Variants in KCNIP1 observed in about 807,000 individuals in gnomAD.
KCNIP1 encodes potassium voltage-gated channel interacting protein 1.
KCNIP1 carries 18 observed loss-of-function variants against 33.0 expected under a neutral mutation model. That is an observed-to-expected ratio of 0.55 (90% CI 0.38 to 0.81). The LOEUF is 0.81. KCNIP1 is among the 30% of genes least tolerant of loss of function. The probability of loss-of-function intolerance (pLI) is 0.00; values close to 1 mark genes in which losing one functional copy is unlikely to be tolerated. For synonymous variants in KCNIP1, 93 were observed against 98.3 expected (o/e 0.95, Z 0.32); for missense variants, 238 against 271.6 (o/e 0.88, Z 0.87).
intron 1 of KCNIP1, among the ~76,000 whole-genome samples, chr5:170,454,592 C>T: frequency 6.6e-6 from 1 of 152,200 alleles, no homozygotes; most frequent in East Asian, 1.9e-4. Flanking sequence ...GTTTAGAAAA[C>T]TTCCTGATGA....
chr5:170,655,718 G>C (rs539279145), intron 1 of KCNIP1, among the ~76,000 whole-genome samples: 1 of 152,132 alleles, frequency 6.6e-6, no homozygotes, highest in Non-Finnish European at 1.5e-5. Flanking sequence ...CTCCACTTCT[G>C]ACTTGCACTG....
chr5:170,473,494 C>G (rs79733153), intron 1 of KCNIP1, among the ~76,000 whole-genome samples: 30 of 152,304 alleles, frequency 2.0e-4, no homozygotes, highest in African/African-American at 6.7e-4. Context: ...AGTCTACCTT[C>G]TTACCAATAA....
At chr5:170,620,287 C>T (rs993082214) in intron 1 of KCNIP1, among the ~76,000 whole-genome samples, 11 of 152,206 alleles carry the variant, frequency 7.2e-5, no homozygotes, top group African/African-American at 2.7e-4. Flanking sequence ...CAGGAATAGG[C>T]TCTGATGGGC....
At chr5:170,568,137 A>T (rs1172805555) in intron 1 of KCNIP1, among the ~76,000 whole-genome samples, 2 of 151,998 alleles carry the variant, frequency 1.3e-5, no homozygotes, top group East Asian at 3.9e-4. Flanking sequence ...CCTAAACTGT[A>T]GAGGATTTTG....
intron 5 of KCNIP1, 72 bp from the exon 6 acceptor site, chr5:170,732,728 C>T (rs1764247662): frequency 6.0e-6 from 6 of 993,604 alleles, no homozygotes; most frequent in Non-Finnish European, 9.6e-6. Context: ...ACAAGGAGCC[C>T]CAAACTCTGT....
chr5:170,703,757 C>T (rs1763173240), intron 1 of KCNIP1, among the ~76,000 whole-genome samples: 1 of 138,552 alleles, frequency 7.2e-6, no homozygotes, highest in Non-Finnish European at 1.5e-5. Flanking sequence ...GGGCCACTGT[C>T]TCGGGACTCT....
chr5:170,503,098 TGAGA>T (rs1310429098), upstream of KCNIP1, among the ~76,000 whole-genome samples: 1 of 151,498 alleles, frequency 6.6e-6, no homozygotes, highest in Admixed American at 6.6e-5. Flanking sequence ...AACAGAAAAA[TGAGA>T]GAGCAGGCCG....
intron 1 of KCNIP1, among the ~76,000 whole-genome samples, chr5:170,478,390 T>C (rs1449309598): frequency 6.6e-6 from 1 of 152,230 alleles, no homozygotes; most frequent in Non-Finnish European, 1.5e-5. Flanking sequence ...GCAACGCTCA[T>C]GGCTGGAGGA....
chr5:170,713,798 G>A (rs949358172), intron 1 of KCNIP1, among the ~76,000 whole-genome samples: 1 of 152,106 alleles, frequency 6.6e-6, no homozygotes, highest in Non-Finnish European at 1.5e-5. Context: ...AAGGTGGGCA[G>A]ATCACCTGAG....
intron 1 of KCNIP1, chr5:170,712,765 C>A (rs2113858147): frequency 7.9e-7 from 1 of 1,260,698 alleles, no homozygotes; most frequent in Non-Finnish European, 1.2e-6. Context: ...CGTGGACACC[C>A]TCAGAGCGGC....
At chr5:170,392,369 G>A (rs192934017) in intron 1 of KCNIP1, among the ~76,000 whole-genome samples, 17 of 152,284 alleles carry the variant, frequency 1.1e-4, no homozygotes, top group East Asian at 9.6e-4. Context: ...ATGCCCCTGC[G>A]TTTTGGGGTA....
intron 1 of KCNIP1, among the ~76,000 whole-genome samples, chr5:170,536,356 G>T (rs534472765): frequency 1.6e-4 from 24 of 151,676 alleles, no homozygotes; most frequent in African/African-American, 5.8e-4. Flanking sequence ...AGTTTTCCCA[G>T]CAGTAGAATG....
intron 1 of KCNIP1, among the ~76,000 whole-genome samples, chr5:170,405,753 T>A (rs1049431095): frequency 6.6e-6 from 1 of 151,768 alleles, no homozygotes; most frequent in Non-Finnish European, 1.5e-5. Context: ...GGATGAGGAG[T>A]CTCCTGGACC....
intron 1 of KCNIP1, among the ~76,000 whole-genome samples, chr5:170,548,965 A>G (rs994472871): frequency 1.3e-5 from 2 of 152,190 alleles, no homozygotes; most frequent in Non-Finnish European, 2.9e-5. Context: ...TGGTACCTGT[A>G]GCATGGGGGC....
intron 1 of KCNIP1, among the ~76,000 whole-genome samples, chr5:170,632,926 G>C (rs1038027994): frequency 1.3e-5 from 2 of 152,228 alleles, no homozygotes; most frequent in African/African-American, 4.8e-5. Context: ...CCTGCACAGC[G>C]TTCCCTCGCG....
At chr5:170,592,124 TG>T (rs1758284397) in intron 1 of KCNIP1, among the ~76,000 whole-genome samples, 1 of 152,254 alleles carries the variant, frequency 6.6e-6, no homozygotes, top group Non-Finnish European at 1.5e-5. Flanking sequence ...TTTCTGTTGC[TG>T]CTGTTTGTTT....
intron 1 of KCNIP1, chr5:170,385,191 G>A (rs532421508): frequency 1.6e-4 from 175 of 1,074,474 alleles, no homozygotes; most frequent in South Asian, 9.7e-4. Context: ...AATGAGCATC[G>A]TCTTGACCCT....
At chr5:170,483,163 G>A (rs1757013229) in intron 1 of KCNIP1, 6 of 422,200 alleles carry the variant, frequency 1.4e-5, no homozygotes, top group East Asian at 1.6e-4. Flanking sequence ...GAGCTCACTC[G>A]CCCTGCCTCT....
At chr5:170,602,475 T>C (rs1758733210) in intron 1 of KCNIP1, among the ~76,000 whole-genome samples, 1 of 152,152 alleles carries the variant, frequency 6.6e-6, no homozygotes. Context: ...AAATCCTCAG[T>C]GTTGGAAGGA....
Sources: allele counts gnomAD v4.1 joint callset (sites outside exome capture counted in the v4.1 genomes callset), GRCh38; gene constraint gnomAD v4.1.1; transcripts MANE v1.5; gene names NCBI Gene and HGNC (gene_info 2026-07-23, HGNC 2026-07-21).